PIBF1: variants seen among roughly 807,000 people sequenced by gnomAD.
PIBF1 encodes progesterone immunomodulatory binding factor 1.
In PIBF1, 90 loss-of-function variants were observed where a neutral mutation model predicts 112.5. That is an observed-to-expected ratio of 0.80 (90% CI 0.67 to 0.95). PIBF1 has a LOEUF of 0.95. Among genes scored for constraint, PIBF1 ranks in the 40% least tolerant of loss-of-function variants. The pLI, the probability that PIBF1 is intolerant of heterozygous loss-of-function variation, is 0.00. For synonymous variants in PIBF1, 301 were observed against 288.6 expected (o/e 1.04, Z -0.44); for missense variants, 915 against 852.3 (o/e 1.07, Z -0.92).
chr13:72,839,864 GTCCTTGTC>G (rs1190460012), intron 9 of PIBF1, among the ~76,000 whole-genome samples: 8 of 152,174 alleles, frequency 5.3e-5, no homozygotes. Context: ...GAAAGCAGAT[GTCCTTGTC>G]TCCTTGTCTC....
At position 72,835,297 on chromosome 13, in the gene PIBF1, C is replaced by T; in HGVS notation, c.1152C>T (p.Ile384=). The T allele has an allele frequency of 6.3e-7, 1 of 1,595,210 alleles. No individual in the cohort carries two copies. The highest frequency in any genetic ancestry group is 1.1e-5 in the South Asian group (1 of 87,940). The change falls in exon 9 of 18, where the codon ATC becomes ATT. Residue 384 remains isoleucine (I), a synonymous_variant. Coordinates refer to ENST00000326291, the MANE Select transcript of PIBF1 (RefSeq NM_006346.4). ...ENKLHDELEQ[I]RLKTNQEIDQ... The stretch of plus-strand genomic sequence containing the variant: ...AACTACATGATGAACTAGAACAAAT[C>T]AGATTGAAAACCAACCAAGAAATTG...
intron 10 of PIBF1, among the ~76,000 whole-genome samples, chr13:72,886,021 A>C (rs1292772178): frequency 6.6e-6 from 1 of 152,152 alleles, no homozygotes; most frequent in Non-Finnish European, 1.5e-5. Context: ...GATCTAAATA[A>C]ATGACTTTTA....
intron 14 of PIBF1, among the ~76,000 whole-genome samples, chr13:72,964,938 T>A (rs759768042): frequency 6.6e-6 from 1 of 152,072 alleles, no homozygotes; most frequent in Non-Finnish European, 1.5e-5. Flanking sequence ...AGCAGGCACC[T>A]GTAATCCCAG....
intron 9 of PIBF1, among the ~76,000 whole-genome samples, chr13:72,842,152 C>T (rs2037640061): frequency 1.3e-5 from 2 of 152,086 alleles, no homozygotes; most frequent in South Asian, 2.1e-4. Context: ...GCTTATGTTT[C>T]CTAATTAGGT....
intron 10 of PIBF1, among the ~76,000 whole-genome samples, chr13:72,885,521 A>G (rs1306975281): frequency 2.6e-5 from 4 of 152,162 alleles, no homozygotes; most frequent in Non-Finnish European, 5.9e-5. Flanking sequence ...TGGATATACC[A>G]TTATCTCATT....
intron 14 of PIBF1, among the ~76,000 whole-genome samples, chr13:72,964,093 C>T (rs1029679169): frequency 6.6e-6 from 1 of 152,174 alleles, no homozygotes; most frequent in African/African-American, 2.4e-5. Context: ...AAGTATTCAT[C>T]AAGAGATCAA....
chr13:72,944,741 A>T (rs1439816492), intron 14 of PIBF1, among the ~76,000 whole-genome samples: 1 of 152,056 alleles, frequency 6.6e-6, no homozygotes, highest in African/African-American at 2.4e-5. Flanking sequence ...TCAGGGGTAC[A>T]TGGGCAGGTT....
chr13:72,789,923 G>C (rs766692945), intron 2 of PIBF1, among the ~76,000 whole-genome samples: 66 of 152,114 alleles, frequency 4.3e-4, no homozygotes, highest in Non-Finnish European at 6.5e-4. Context: ...CTTGATTTGG[G>C]AAACAGTAAT....
At chr13:73,012,369 A>G (rs1057291665) in intron 17 of PIBF1, among the ~76,000 whole-genome samples, 4 of 151,982 alleles carry the variant, frequency 2.6e-5, no homozygotes, top group African/African-American at 9.7e-5. Context: ...AAAATAAATG[A>G]CAAATGCATT....
chr13:72,885,386 A>T (rs753770081), intron 10 of PIBF1, among the ~76,000 whole-genome samples: 21 of 152,254 alleles, frequency 1.4e-4, no homozygotes, highest in Non-Finnish European at 2.8e-4. Context: ...TTAGTATTTA[A>T]TATTTTAATG....
Position 72,893,902 on chromosome 13 carries a change from C to T in PIBF1, c.1441C>T (p.Leu481Phe). The T allele has an allele frequency of 6.2e-7, 1 of 1,608,936 alleles. No individual in the cohort carries two copies. The highest frequency in any genetic ancestry group is 1.1e-5 in the South Asian group (1 of 90,250). The stretch of plus-strand genomic sequence containing the variant: ...TCTGCAAGAGGAAACAGCAAGAAAT[C>T]TCACACAGTGTCAATTGGAATGTGA... ...QLLQEETARN[L>F]TQCQLECEKY... is the part of the protein sequence containing the mutation. The change falls in exon 11 of 18, where the codon CTC becomes TTC. Residue 481 changes from leucine (L) to phenylalanine (F), a missense_variant. Leu to Phe is a conservative substitution (Grantham distance 22, BLOSUM62 0). Coordinates refer to ENST00000326291, the MANE Select transcript of PIBF1 (RefSeq NM_006346.4).
chr13:72,923,860 A>C (rs1377992109), intron 13 of PIBF1, among the ~76,000 whole-genome samples: 1 of 152,224 alleles, frequency 6.6e-6, no homozygotes, highest in Non-Finnish European at 1.5e-5. Flanking sequence ...GCTGTTCCAG[A>C]GACTGAGGCA....
intron 9 of PIBF1, among the ~76,000 whole-genome samples, chr13:72,849,718 G>A (rs930613535): frequency 4.6e-5 from 7 of 152,170 alleles, no homozygotes. Flanking sequence ...AAACATCTGT[G>A]AAGCAAAGGA....
At chr13:72,970,751 A>C (rs1157511761) in intron 15 of PIBF1, 1 of 152,166 alleles carries the variant, frequency 6.6e-6, no homozygotes, top group East Asian at 1.9e-4. Flanking sequence ...GAAGACTAAA[A>C]TTCTATTGAG....
chr13:72,840,199 A>G (rs2037543974), intron 9 of PIBF1, among the ~76,000 whole-genome samples: 1 of 152,212 alleles, frequency 6.6e-6, no homozygotes, highest in Admixed American at 6.5e-5. Context: ...GGCAGATTTA[A>G]CTGTAGTTAG....
At chr13:72,855,366 G>C (rs56166715) in intron 10 of PIBF1, among the ~76,000 whole-genome samples, 5 of 152,186 alleles carry the variant, frequency 3.3e-5, no homozygotes, top group Non-Finnish European at 7.4e-5. Context: ...TAATGTGGAA[G>C]TATGTCTTAT....
chr13:72,949,300 CTTTTTTTTTTTTT>C (rs71099771), intron 14 of PIBF1, among the ~76,000 whole-genome samples: 19 of 54,950 alleles, frequency 3.5e-4, no homozygotes, highest in South Asian at 2.7e-3. Context: ...AAATAGCTGT[CTTTTTTTTTTTTT>C]TTTTTTTTTT....
intron 17 of PIBF1, among the ~76,000 whole-genome samples, chr13:73,005,754 A>G (rs972289422): frequency 2.0e-5 from 3 of 152,086 alleles, no homozygotes; most frequent in Non-Finnish European, 4.4e-5. Flanking sequence ...TTTTTATAAC[A>G]CACATGGAAA....
intron 16 of PIBF1, among the ~76,000 whole-genome samples, chr13:72,992,271 A>T (rs1166219084): frequency 6.6e-6 from 1 of 152,234 alleles, no homozygotes; most frequent in Non-Finnish European, 1.5e-5. Context: ...ACAGTTTTTG[A>T]ATTTTACAAT....
Sources: allele counts gnomAD v4.1 joint callset (sites outside exome capture counted in the v4.1 genomes callset), GRCh38; gene constraint gnomAD v4.1.1; transcripts MANE v1.5; gene names NCBI Gene and HGNC (gene_info 2026-07-23, HGNC 2026-07-21).